GRK7: variants seen among roughly 807,000 people sequenced by gnomAD.
GRK7 encodes rhodopsin kinase GRK7.
In GRK7, 24 loss-of-function variants were observed where a neutral mutation model predicts 34.1. The observed-to-expected ratio is 0.70, with a 90% CI of 0.51 to 0.99. The LOEUF is 0.99. Among genes scored for constraint, GRK7 ranks in the 50% least tolerant of loss-of-function variants. GRK7 has a pLI of 0.00. For missense variants in GRK7, 644 were observed against 707.3 expected (o/e 0.91, Z 1.02); for synonymous variants, 256 against 279.4 (o/e 0.92, Z 0.84).
chr3:141,751,236 A>T, the GRK7 span, among the ~76,000 whole-genome samples: 6,370 of 152,182 alleles, frequency 0.042, 163 homozygotes, highest in Non-Finnish European at 0.056. Context: ...CTTCATTGTA[A>T]ATTAACCTCT....
At chr3:141,790,896 T>C (rs1171543635) in intron 4 of GRK7, among the ~76,000 whole-genome samples, 1 of 152,226 alleles carries the variant, frequency 6.6e-6, no homozygotes, top group Non-Finnish European at 1.5e-5. Flanking sequence ...GATAAGCACT[T>C]CTGCCTGTGC....
At chr3:141,802,181 C>T (rs1024442301) in intron 4 of GRK7, among the ~76,000 whole-genome samples, 4 of 151,998 alleles carry the variant, frequency 2.6e-5, no homozygotes, top group African/African-American at 7.3e-5. Context: ...AGAGAGACCC[C>T]GTCTGTACCA....
chr3:141,809,599 G>A (rs1711072398), intron 5 of GRK7, among the ~76,000 whole-genome samples: 1 of 151,988 alleles, frequency 6.6e-6, no homozygotes, highest in Admixed American at 6.6e-5. Context: ...TCAAGAGGCT[G>A]AGGTGGGAGG....
At chr3:141,779,316 T>C (rs2084658811) in intron 3 of GRK7, among the ~76,000 whole-genome samples, 1 of 147,938 alleles carries the variant, frequency 6.8e-6, no homozygotes, top group Admixed American at 7.0e-5. Context: ...CTTGGGAGGC[T>C]GAAGCAGGAG....
intron 4 of GRK7, among the ~76,000 whole-genome samples, chr3:141,793,292 C>T (rs1179297865): frequency 2.0e-5 from 3 of 152,176 alleles, no homozygotes; most frequent in African/African-American, 7.2e-5. Context: ...TAGAGGCAGC[C>T]TTGGGGACTG....
At chr3:141,790,158 C>T (rs2084716871) in intron 4 of GRK7, among the ~76,000 whole-genome samples, 1 of 152,138 alleles carries the variant, frequency 6.6e-6, no homozygotes, top group Non-Finnish European at 1.5e-5. Context: ...CATGCTACCA[C>T]GCCCAGCTAA....
intron 4 of GRK7, among the ~76,000 whole-genome samples, chr3:141,789,149 CAG>C (rs1192253464): frequency 1.3e-5 from 2 of 152,150 alleles, no homozygotes; most frequent in African/African-American, 4.8e-5. Context: ...AAAAGATGAA[CAG>C]ATAGAGTAGG....
chr3:141,807,520 T>G, intron 4 of GRK7, 125 bp from the exon 5 acceptor site: 1 of 864,428 alleles, frequency 1.2e-6, no homozygotes, highest in Non-Finnish European at 1.8e-6. Flanking sequence ...CCCAAACAAA[T>G]TAGGGTTCCC....
rs143449976 is a variant in GRK7, at chr3:141,771,879, T to C, written c.-214-2701T>C. On this transcript the variant is annotated intron_variant, in intron 1 of 5. Coordinates refer to ENST00000682958, the MANE Select transcript of GRK7 (RefSeq NM_139209.3). ...TTTGTATTTTTAGTAGACACAGGGTTTCACCATATTGGTCAGGCTGGTCTC... is the reference window on the plus strand; with the variant it reads ...TTTGTATTTTTAGTAGACACAGGGTCTCACCATATTGGTCAGGCTGGTCTC... Among the ~76,000 whole-genome samples the C allele has an allele frequency of 1.8e-4, 28 of 151,522 alleles. No homozygotes were observed. The East Asian group carries it at 5.5e-3, about 30-fold the overall frequency.
the GRK7 span, among the ~76,000 whole-genome samples, chr3:141,754,927 C>G: frequency 6.6e-6 from 1 of 152,032 alleles, no homozygotes; most frequent in Non-Finnish European, 1.5e-5. Flanking sequence ...TTTAAATAGG[C>G]TTTTAAATGG....
chr3:141,817,118 G>A lies in GRK7; in HGVS notation c.*68G>A. ...ATAATCCTCGAATGTTCCACACGTG[G>A]AAATCTGTGGAATGAGGGCTAATCA... On this transcript the variant is annotated 3_prime_UTR_variant, in exon 6 of 6. Coordinates refer to ENST00000682958, the MANE Select transcript of GRK7 (RefSeq NM_139209.3). The A allele has an allele frequency of 8.2e-7, 1 of 1,217,060 alleles. No individual in the cohort carries two copies. The highest frequency in any genetic ancestry group is 1.1e-6 in the Non-Finnish European group (1 of 871,154). 75.4% of individuals were successfully genotyped at this position (1,217,060 alleles called of 1,614,324 possible).
intron 4 of GRK7, among the ~76,000 whole-genome samples, chr3:141,785,576 C>T (rs1279938575): frequency 1.3e-5 from 2 of 152,090 alleles, no homozygotes; most frequent in Non-Finnish European, 2.9e-5. Context: ...CCAGCCTGGC[C>T]AACATGTTGA....
At position 141,810,456 on chromosome 3, in the gene GRK7, C is replaced by T. The variant is rs577265985; in HGVS notation, c.1325+2537C>T. Among the ~76,000 whole-genome samples, 17 of 151,690 alleles carry T rather than the reference C, an allele frequency of 1.1e-4. No individual in the cohort carries two copies. In the East Asian group the frequency reaches 2.5e-3, roughly 22 times the overall value. On this transcript the variant is annotated intron_variant, in intron 5 of 5. Coordinates refer to ENST00000682958, the MANE Select transcript of GRK7 (RefSeq NM_139209.3). Reference sequence around the variant, plus strand: ...CACTCACACATTGTCAGGGAGGAAACGCATTCTCTACCCTCTTACCCTCTC... The same window carrying T: ...CACTCACACATTGTCAGGGAGGAAATGCATTCTCTACCCTCTTACCCTCTC...
intron 1 of GRK7, among the ~76,000 whole-genome samples, chr3:141,769,657 G>T (rs1158292872): frequency 7.2e-5 from 11 of 152,162 alleles, no homozygotes; most frequent in Non-Finnish European, 1.6e-4. Flanking sequence ...AGCTCTGCAA[G>T]TGACATTTCC....
the GRK7 span, among the ~76,000 whole-genome samples, chr3:141,755,787 G>A: frequency 6.6e-6 from 1 of 152,060 alleles, no homozygotes; most frequent in Non-Finnish European, 1.5e-5. Flanking sequence ...ATTTTTAAAA[G>A]TTAAATATAT....
the GRK7 span, among the ~76,000 whole-genome samples, chr3:141,751,449 G>A: frequency 6.6e-6 from 1 of 152,210 alleles, no homozygotes; most frequent in African/African-American, 2.4e-5. Flanking sequence ...GAATTGTAAA[G>A]TTTAAAGTGT....
chr3:141,788,553 T>C (rs2084707667), intron 4 of GRK7, among the ~76,000 whole-genome samples: 1 of 152,172 alleles, frequency 6.6e-6, no homozygotes, highest in South Asian at 2.1e-4. Context: ...ACACGGTGAC[T>C]TCTGCCCCGT....
intron 4 of GRK7, among the ~76,000 whole-genome samples, chr3:141,788,612 C>T (rs2084707921): frequency 6.6e-6 from 1 of 152,076 alleles, no homozygotes; most frequent in African/African-American, 2.4e-5. Flanking sequence ...GGAGGTGCTT[C>T]AAGGATGGAA....
intron 3 of GRK7, among the ~76,000 whole-genome samples, chr3:141,779,878 C>T (rs529330104): frequency 6.6e-6 from 1 of 152,356 alleles, no homozygotes; most frequent in African/African-American, 2.4e-5. Flanking sequence ...TATAATATTC[C>T]ATTGTATGGA....
Sources: gnomAD v4.1 joint callset for allele counts (sites outside exome capture counted in the v4.1 genomes callset) on GRCh38, gnomAD v4.1.1 for gene constraint, MANE v1.5 for transcripts, NCBI Gene and HGNC (gene_info 2026-07-23, HGNC 2026-07-21) for gene names.